ACBD3: variants seen among roughly 807,000 people sequenced by gnomAD.
ACBD3 encodes Golgi resident protein GCP60.
A neutral mutation model predicts 66.9 loss-of-function variants in ACBD3; 30 were observed. The observed-to-expected ratio is 0.45, with a 90% CI of 0.34 to 0.61. The LOEUF (loss-of-function observed/expected upper bound fraction) is 0.61, where lower values mean the gene tolerates loss of function less well. Ranked by LOEUF, ACBD3 falls within the 20% of genes least tolerant of loss-of-function variation. The pLI is 0.02. For missense variants in ACBD3, 544 were observed against 664.5 expected (o/e 0.82, Z 1.99); for synonymous variants, 278 against 259.8 (o/e 1.07, Z -0.68).
chr1:226,168,531 C>T (rs1659916693), intron 1 of ACBD3, among the ~76,000 whole-genome samples: 1 of 152,184 alleles, frequency 6.6e-6, no homozygotes, highest in African/African-American at 2.4e-5. Flanking sequence ...TACAGTCATG[C>T]TCTGCATAAT....
intron 5 of ACBD3, among the ~76,000 whole-genome samples, chr1:226,155,843 A>G (rs1052060300): frequency 1.3e-5 from 2 of 152,236 alleles, no homozygotes; most frequent in East Asian, 1.9e-4. Flanking sequence ...AAAATTTGTC[A>G]CTGTTTATAT....
chr1:226,173,815 C>T (rs1215945555), intron 1 of ACBD3, among the ~76,000 whole-genome samples: 1 of 124,338 alleles, frequency 8.0e-6, no homozygotes, highest in African/African-American at 3.3e-5. Context: ...GGCTGGAGTG[C>T]AGTGGGATGA....
intron 1 of ACBD3, among the ~76,000 whole-genome samples, chr1:226,183,293 A>G (rs763958345): frequency 1.2e-4 from 19 of 152,186 alleles, no homozygotes; most frequent in Non-Finnish European, 2.4e-4. Flanking sequence ...CTCCTGCCTC[A>G]GCCTCCCAAG....
chr1:226,177,683 G>C (rs762201466), intron 1 of ACBD3, among the ~76,000 whole-genome samples: 1 of 151,998 alleles, frequency 6.6e-6, no homozygotes, highest in Non-Finnish European at 1.5e-5. Context: ...TCCGGTACAC[G>C]TTAGGGCTTG....
intron 1 of ACBD3, among the ~76,000 whole-genome samples, chr1:226,168,613 T>C (rs1037209039): frequency 3.9e-5 from 6 of 152,242 alleles, no homozygotes; most frequent in African/African-American, 1.4e-4. Context: ...AGCTGAAATT[T>C]TCCTATGGCC....
chr1:226,177,185 AG>A (rs1192800144), intron 1 of ACBD3, among the ~76,000 whole-genome samples: 3 of 105,826 alleles, frequency 2.8e-5, no homozygotes, highest in Non-Finnish European at 5.8e-5. Flanking sequence ...TTTTTTTTTT[AG>A]ACGGAGTCTT....
chr1:226,167,812 A>G (rs1659903567), intron 1 of ACBD3, among the ~76,000 whole-genome samples: 1 of 152,214 alleles, frequency 6.6e-6, no homozygotes, highest in Non-Finnish European at 1.5e-5. Context: ...AGCTGCCAAT[A>G]AACATCCAAA....
At chr1:226,176,847 G>A (rs1025669368) in intron 1 of ACBD3, among the ~76,000 whole-genome samples, 2 of 152,018 alleles carry the variant, frequency 1.3e-5, no homozygotes, top group African/African-American at 4.8e-5. Context: ...ATCCATGACT[G>A]TCAATGAGAT....
chr1:226,183,895 A>AC (rs1656232448), intron 1 of ACBD3, among the ~76,000 whole-genome samples: 1 of 151,344 alleles, frequency 6.6e-6, no homozygotes, highest in Non-Finnish European at 1.5e-5. Context: ...AAAAAAAAAA[A>AC]AAAAAAAAAA....
In ACBD3 at chr1:226,152,601, G is replaced by A. The variant is rs978641195; in HGVS notation, c.1109C>T (p.Ala370Val). 1 of 1,613,934 alleles carries A rather than the reference G, an allele frequency of 6.2e-7. No individual in the cohort carries two copies. Among genetic ancestry groups the A allele is most frequent in the Admixed American group, 1.7e-5 (1 of 59,994 alleles). ...AGGTCGTGTCCACATGGATGGAGCT[G>A]CTATTACTGGAAGAGATTCTAAAGG... The part of the protein sequence containing the change: ...NGPKESLPVI[A>V]APSMWTRPQI... The change falls in exon 7 of 8, where the codon GCA (alanine) becomes GTA (valine). Residue 370 changes from alanine to valine, a missense_variant. Physicochemically the swap from Ala to Val is moderately conservative, Grantham distance 64. Around this residue, in one of 3 missense-constraint regions of ACBD3, gnomAD observed 383 missense variants for 462.4 expected, o/e 0.83. Coordinates refer to ENST00000366812, the MANE Select transcript of ACBD3 (RefSeq NM_022735.4).
chr1:226,170,477 CTTTTT>C (rs1051093979), intron 1 of ACBD3, among the ~76,000 whole-genome samples: 2 of 151,230 alleles, frequency 1.3e-5, no homozygotes, highest in South Asian at 2.1e-4. Flanking sequence ...CTCGGCCTTT[CTTTTT>C]TTAAGAATAA....
At chr1:226,181,869 C>T (rs1363313568) in intron 1 of ACBD3, among the ~76,000 whole-genome samples, 2 of 152,128 alleles carry the variant, frequency 1.3e-5, no homozygotes, top group Non-Finnish European at 2.9e-5. Flanking sequence ...AAAATGAACC[C>T]ACTGGATTCC....
chr1:226,185,221 C>T (rs1448331706), intron 1 of ACBD3, among the ~76,000 whole-genome samples: 1 of 152,178 alleles, frequency 6.6e-6, no homozygotes, highest in East Asian at 1.9e-4. Context: ...GAGGGCTCAA[C>T]TCATTGTGCA....
At chr1:226,148,006 G>C (rs1406055374) in intron 7 of ACBD3, 1 of 152,160 alleles carries the variant, frequency 6.6e-6, no homozygotes, top group Non-Finnish European at 1.5e-5. Flanking sequence ...ACATGGCAGA[G>C]TGAATTCTGG....
chr1:226,159,045 TA>T (rs1659724009), intron 5 of ACBD3, 138 bp downstream of exon 5: 1 of 955,914 alleles, frequency 1.0e-6, no homozygotes, highest in African/African-American at 1.6e-5. Context: ...CAAGTCTGCC[TA>T]AAAGATCACC....
intron 2 of ACBD3, among the ~76,000 whole-genome samples, chr1:226,165,461 G>A (rs976593749): frequency 2.6e-5 from 4 of 152,022 alleles, no homozygotes; most frequent in East Asian, 1.9e-4. Flanking sequence ...ATGAACTGCC[G>A]CACCTGGCCT....
intron 7 of ACBD3, among the ~76,000 whole-genome samples, chr1:226,147,424 T>C (rs530906844): frequency 1.2e-4 from 19 of 152,316 alleles, no homozygotes; most frequent in Middle Eastern, 6.8e-3. Context: ...CTACCATTCC[T>C]ATTTCAAGGT....
chr1:226,170,894 C>G (rs1392250298), intron 1 of ACBD3, among the ~76,000 whole-genome samples: 1 of 151,910 alleles, frequency 6.6e-6, no homozygotes, highest in Non-Finnish European at 1.5e-5. Context: ...ATTCTCCCAC[C>G]TCAGCCTCCT....
intron 1 of ACBD3, among the ~76,000 whole-genome samples, chr1:226,173,345 TATTTA>T (rs1013293252): frequency 2.0e-5 from 3 of 152,244 alleles, no homozygotes; most frequent in African/African-American, 7.2e-5. Context: ...AATTTTATTT[TATTTA>T]TTCATTTTTT....
Sources: gnomAD v4.1 joint callset for allele counts (sites outside exome capture counted in the v4.1 genomes callset) on GRCh38, gnomAD v4.1.1 for gene constraint, gnomAD v4.1.1 regional missense constraint, MANE v1.5 for transcripts, NCBI Gene and HGNC (gene_info 2026-07-23, HGNC 2026-07-21) for gene names.